DOCK1: variants seen among roughly 807,000 people sequenced by gnomAD.
DOCK1 encodes dedicator of cytokinesis protein 1.
A neutral mutation model predicts 262.7 loss-of-function variants in DOCK1; 138 were observed. The ratio of observed to expected loss-of-function variants is 0.53; its 90% CI spans 0.46 to 0.61. DOCK1 has a LOEUF of 0.61. Among genes scored for constraint, DOCK1 ranks in the 20% least tolerant of loss-of-function variants. The pLI, the probability that DOCK1 is intolerant of heterozygous loss-of-function variation, is 0.00. For missense variants in DOCK1, 1,908 were observed against 2,370.7 expected, an observed-to-expected ratio of 0.80 and a Z score of 4.05; for synonymous variants, 866 against 867.4, an observed-to-expected ratio of 1.00 and a Z score of 0.03.
intron 23 of DOCK1, among the ~76,000 whole-genome samples, chr10:127,065,243 T>G (rs113333307): frequency 1.3e-5 from 2 of 152,130 alleles, no homozygotes; most frequent in Admixed American, 1.3e-4. Flanking sequence ...ACACCTGACC[T>G]CAAATAATTC....
At chr10:127,354,571 A>G in intron 31 of DOCK1, 98 bp from the exon 32 acceptor site, 1 of 1,352,656 alleles carries the variant, frequency 7.4e-7, no homozygotes, top group Non-Finnish European at 1.0e-6. Flanking sequence ...TATTTGCCTC[A>G]GTGCTAGAAG....
chr10:127,111,385 C>T lies in DOCK1; in HGVS notation c.2623+1031C>T, dbSNP rs2048853125. The stretch of plus-strand genomic sequence containing the variant: ...AAGTGGGTGACTTTCTGCAGCCCCT[C>T]CATGTAGACCTCTCTCTTTAGTCAG... On this transcript the variant is annotated intron_variant, in intron 25 of 51. Transcript: ENST00000623213. Among the ~76,000 whole-genome samples, 3 of 152,176 alleles carry T rather than the reference C, an allele frequency of 2.0e-5. 1 individual carries two copies. Among genetic ancestry groups the T allele is most frequent in the South Asian group, 4.1e-4 (2 of 4,834 alleles).
chr10:127,124,012 A>C (rs1350921811), intron 25 of DOCK1, among the ~76,000 whole-genome samples: 1 of 152,244 alleles, frequency 6.6e-6, no homozygotes, highest in African/African-American at 2.4e-5. Context: ...GCGAATCAAC[A>C]AAAAATGGAA....
chr10:127,175,611 C>A lies in DOCK1; in HGVS notation c.2847+47847C>A. 1 of 1,613,000 alleles carries A rather than the reference C, an allele frequency of 6.2e-7. No homozygotes were observed. Among genetic ancestry groups the A allele is most frequent in the Non-Finnish European group, 8.5e-7 (1 of 1,179,942 alleles). On this transcript the variant is annotated intron_variant, in intron 27 of 51. Coordinates refer to ENST00000623213, the MANE Select transcript of DOCK1 (RefSeq NM_001290223.2). This position sits in a 1 kb window ranked among gnomAD's most constrained non-coding sequence, Gnocchi z 6.3. ...CAAACCAGGCTCGGGGGCCCTGGCA[C>A]TGAGGGCAGGTGCGTAAACGGTGGC...
At chr10:127,108,717 C>G (rs1232478140) in intron 24 of DOCK1, among the ~76,000 whole-genome samples, 1 of 152,242 alleles carries the variant, frequency 6.6e-6, no homozygotes, top group Non-Finnish European at 1.5e-5. Context: ...CCATCCCATG[C>G]TGGCCTATCT....
chr10:126,913,058 C>G (rs1202521958), intron 1 of DOCK1, among the ~76,000 whole-genome samples: 1 of 150,152 alleles, frequency 6.7e-6, no homozygotes, highest in Non-Finnish European at 1.5e-5. Context: ...AAGGAGCTTT[C>G]TAATGGGACT....
chr10:127,067,386 A>G (rs899637347), intron 23 of DOCK1, among the ~76,000 whole-genome samples: 4 of 152,312 alleles, frequency 2.6e-5, no homozygotes, highest in African/African-American at 9.6e-5. Flanking sequence ...TGCATGCAGG[A>G]CCTTGGCATA....
intron 29 of DOCK1, among the ~76,000 whole-genome samples, chr10:127,284,586 C>G (rs927899510): frequency 1.3e-5 from 2 of 152,142 alleles, no homozygotes; most frequent in African/African-American, 4.8e-5. Context: ...CAATTTGTTG[C>G]TTCAATAATA....
At chr10:126,940,995 A>T (rs1291193012) in intron 1 of DOCK1, among the ~76,000 whole-genome samples, 1 of 152,230 alleles carries the variant, frequency 6.6e-6, no homozygotes, top group Non-Finnish European at 1.5e-5. Context: ...AAGCAAACAG[A>T]TGGATAAACA....
At position 126,910,678 on chromosome 10, in the gene DOCK1, C is replaced by T. The variant is rs566936409; in HGVS notation, c.46+5115C>T. Among the ~76,000 whole-genome samples the T allele has an allele frequency of 2.1e-4, 32 of 152,268 alleles. 5 individuals are homozygous for T. The highest frequency in any genetic ancestry group is 1.8e-3 in the Admixed American group (27 of 15,290). Reference sequence around the variant, plus strand: ...AGCATCACGACTGGGATATTGACATCGATAGTCAAGGTACAGAACATTTCC... The same window carrying T: ...AGCATCACGACTGGGATATTGACATTGATAGTCAAGGTACAGAACATTTCC... On this transcript the variant is annotated intron_variant, in intron 1 of 51. Coordinates refer to ENST00000623213, the MANE Select transcript of DOCK1 (RefSeq NM_001290223.2).
At position 126,905,514 on chromosome 10, in the gene DOCK1, C is replaced by T; in HGVS notation, c.-4C>T. On this transcript the variant is annotated 5_prime_UTR_variant, in exon 1 of 52. Transcript: ENST00000623213. ...GCCCGACCCGCGGCGGCTCCGGCGG[C>T]GCCATGACGCGCTGGGTGCCCACCA... is the stretch of plus-strand genomic sequence containing the variant. 1 of 531,416 alleles carries T rather than the reference C, an allele frequency of 1.9e-6. No homozygotes were observed. The highest frequency in any genetic ancestry group is 3.4e-6 in the Non-Finnish European group (1 of 290,820). The allele number at this position is 531,416 out of a possible 1,614,324, so 32.9% of individuals were successfully genotyped here. A position where few individuals can be genotyped will look rare whatever the true frequency, so the allele number is the denominator to read the frequency against.
chr10:127,216,164 A>T (rs1325386330), intron 27 of DOCK1, among the ~76,000 whole-genome samples: 1 of 152,100 alleles, frequency 6.6e-6, no homozygotes, highest in Non-Finnish European at 1.5e-5. Flanking sequence ...TCTAGAGAGG[A>T]TGTAGTCTGC....
At chr10:127,207,075 C>G (rs979437420) in intron 27 of DOCK1, among the ~76,000 whole-genome samples, 1 of 152,046 alleles carries the variant, frequency 6.6e-6, no homozygotes, top group Non-Finnish European at 1.5e-5. Context: ...AGAATAGGAC[C>G]GCAATTGCCA....
At chr10:127,291,755 G>T (rs1304386959) in intron 29 of DOCK1, among the ~76,000 whole-genome samples, 1 of 152,224 alleles carries the variant, frequency 6.6e-6, no homozygotes, top group Non-Finnish European at 1.5e-5. Context: ...CGCTGGCTGT[G>T]TACTGTTTAT....
chr10:126,940,954 T>G (rs2034935119), intron 1 of DOCK1, among the ~76,000 whole-genome samples: 1 of 152,336 alleles, frequency 6.6e-6, no homozygotes, highest in Non-Finnish European at 1.5e-5. Context: ...GGAGGATGAT[T>G]AAATGTAGTC....
intron 5 of DOCK1, 115 bp from the exon 6 acceptor site, chr10:126,990,340 A>C: frequency 9.5e-7 from 1 of 1,047,828 alleles, no homozygotes; most frequent in Admixed American, 3.2e-5. Flanking sequence ...CATTAACTAA[A>C]TCTCATGATC....
intron 38 of DOCK1, chr10:127,402,836 C>A: frequency 1.5e-6 from 1 of 655,740 alleles, no homozygotes; most frequent in East Asian, 3.3e-5. Flanking sequence ...GCGTGATTGA[C>A]ATGCCAGTGA....
chr10:126,908,411 G>C (rs1398869929), intron 1 of DOCK1, among the ~76,000 whole-genome samples: 1 of 152,168 alleles, frequency 6.6e-6, no homozygotes, highest in African/African-American at 2.4e-5. Context: ...TGGCTCTGTG[G>C]GTGGACCACA....
chr10:126,916,394 C>CA (rs2134057632), intron 1 of DOCK1, among the ~76,000 whole-genome samples: 1 of 152,298 alleles, frequency 6.6e-6, no homozygotes, highest in East Asian at 1.9e-4. Context: ...TCACTTTCCT[C>CA]AAAGTTTTAT....
Sources: allele counts gnomAD v4.1 joint callset (sites outside exome capture counted in the v4.1 genomes callset), GRCh38; gene constraint gnomAD v4.1.1; non-coding constraint Gnocchi (gnomAD v3.1); transcripts MANE v1.5; gene names NCBI Gene and HGNC (gene_info 2026-07-23, HGNC 2026-07-21).